GTF2IRD1: variants seen among roughly 807,000 people sequenced by gnomAD.
GTF2IRD1 encodes the protein general transcription factor II-I repeat domain-containing protein 1.
GTF2IRD1 carries 26 observed loss-of-function variants against 113.2 expected under a neutral mutation model. The observed-to-expected ratio is 0.23, with a 90% CI of 0.17 to 0.32. The LOEUF (loss-of-function observed/expected upper bound fraction) is 0.32. GTF2IRD1 is among the 10% of genes least tolerant of loss of function. The pLI is 1.00. For synonymous variants in GTF2IRD1, 484 were observed against 529.1 expected (o/e 0.91, Z 1.17); for missense variants, 864 against 1,280.8 (o/e 0.67, Z 4.97).
At chr7:74,455,719 G>A (rs1554327059) in intron 1 of GTF2IRD1, among the ~76,000 whole-genome samples, 1 of 152,158 alleles carries the variant, frequency 6.6e-6, no homozygotes, top group African/African-American at 2.4e-5. Context: ...AAGGTGACAG[G>A]GTATCGGAAC....
chr7:74,591,299 T>C (rs1399946097), intron 24 of GTF2IRD1, among the ~76,000 whole-genome samples: 1 of 151,216 alleles, frequency 6.6e-6, no homozygotes, highest in African/African-American at 2.4e-5. Flanking sequence ...CATTTAAATA[T>C]AAATATGTTT....
chr7:74,586,095 T>C (rs1801699079), intron 22 of GTF2IRD1, among the ~76,000 whole-genome samples: 1 of 152,090 alleles, frequency 6.6e-6, no homozygotes, highest in Non-Finnish European at 1.5e-5. Context: ...CACACAGTGA[T>C]GTGTGTGATC....
At chr7:74,547,041 C>G (rs1245325083) in intron 16 of GTF2IRD1, 62 bp from the exon 17 acceptor site, 1 of 1,478,564 alleles carries the variant, frequency 6.8e-7, no homozygotes, top group African/African-American at 1.4e-5. Context: ...GCACGGGACA[C>G]AGGGGTTGAG....
chr7:74,547,859 C>A (rs1472622886), intron 17 of GTF2IRD1, among the ~76,000 whole-genome samples: 1 of 149,780 alleles, frequency 6.7e-6, no homozygotes, highest in African/African-American at 2.5e-5. Flanking sequence ...AGCCACCGAA[C>A]TGACCCCTCT....
chr7:74,590,281 A>T (rs1554369084), intron 23 of GTF2IRD1, among the ~76,000 whole-genome samples: 1 of 150,494 alleles, frequency 6.6e-6, no homozygotes, highest in East Asian at 2.0e-4. Flanking sequence ...AGGTTTCACT[A>T]TGTTGCCCAG....
intron 22 of GTF2IRD1, among the ~76,000 whole-genome samples, chr7:74,584,761 A>C (rs1373605649): frequency 1.3e-5 from 2 of 152,018 alleles, no homozygotes; most frequent in Non-Finnish European, 2.9e-5. Flanking sequence ...TTGGCATAGT[A>C]AGTTTGGGGT....
intron 8 of GTF2IRD1, among the ~76,000 whole-genome samples, chr7:74,525,446 C>T (rs782334841): frequency 1.3e-5 from 2 of 152,264 alleles, no homozygotes; most frequent in African/African-American, 2.4e-5. Context: ...GTCAGCCCAC[C>T]GCACTCTGGA....
intron 1 of GTF2IRD1, among the ~76,000 whole-genome samples, chr7:74,478,110 G>A (rs946968714): frequency 3.0e-4 from 46 of 152,204 alleles, no homozygotes; most frequent in African/African-American, 1.0e-3. Context: ...CCGGGGCTCA[G>A]CCAGAACTGG....
In GTF2IRD1 at chr7:74,461,474, C is replaced by G. The variant is rs116670097; in HGVS notation, c.-7+7298C>G. On this transcript the variant is annotated intron_variant, in intron 1 of 26. Coordinates refer to ENST00000424337, the MANE Select transcript of GTF2IRD1 (RefSeq NM_005685.4). Reference sequence around the variant, plus strand: ...CTTTTCGTCTATCCATCTGTTGTTACGCCAGCCAGTGAGGACCTTGCAGAG... The same window carrying G: ...CTTTTCGTCTATCCATCTGTTGTTAGGCCAGCCAGTGAGGACCTTGCAGAG... Among the ~76,000 whole-genome samples the G allele has an allele frequency of 3.7e-3, 568 of 152,296 alleles. 2 individuals carry two copies. Among genetic ancestry groups the G allele is most frequent in the African/African-American group, 0.012 (519 of 41,556 alleles).
At chr7:74,458,012 A>C (rs1184165590) in intron 1 of GTF2IRD1, among the ~76,000 whole-genome samples, 7 of 151,366 alleles carry the variant, frequency 4.6e-5, no homozygotes, top group African/African-American at 1.7e-4. Context: ...CCGGGATTAC[A>C]GGCATGCTCT....
intron 22 of GTF2IRD1, among the ~76,000 whole-genome samples, chr7:74,583,382 T>C (rs1322361075): frequency 1.3e-5 from 2 of 148,698 alleles, no homozygotes; most frequent in African/African-American, 4.9e-5. Flanking sequence ...TTTTTTTTTT[T>C]TTTTTTTTGT....
intron 22 of GTF2IRD1, 101 bp downstream of exon 22, chr7:74,559,756 GGGAA>G: frequency 2.1e-6 from 2 of 949,814 alleles, no homozygotes; most frequent in Non-Finnish European, 3.0e-6. Context: ...TCTGGGGTCT[GGGAA>G]CAGAAGCCAG....
At position 74,471,513 on chromosome 7, in the gene GTF2IRD1, A is replaced by G. The variant is rs943876186; in HGVS notation, c.-7+17337A>G. 3.9e-5 allele frequency among the ~76,000 whole-genome samples: 6 copies of G among 151,948 alleles called. 1 individual carries two copies. The highest frequency in any genetic ancestry group is 2.0e-4 in the Admixed American group (3 of 15,232). ...GACAGAGCGAGACCCCATCTCTACA[A>G]AAAGATTTAAAAATTAGCCAGGCAC... is the stretch of plus-strand genomic sequence containing the variant. On this transcript the variant is annotated intron_variant, in intron 1 of 26. Coordinates refer to ENST00000424337, the MANE Select transcript of GTF2IRD1 (RefSeq NM_005685.4).
chr7:74,483,980 G>T (rs569916944), intron 1 of GTF2IRD1, among the ~76,000 whole-genome samples: 1 of 152,302 alleles, frequency 6.6e-6, no homozygotes, highest in Admixed American at 6.5e-5. Context: ...GGAAGGAGCC[G>T]TGTAGATACA....
intron 20 of GTF2IRD1, 63 bp downstream of exon 20, chr7:74,557,785 T>C: frequency 4.0e-6 from 4 of 1,010,640 alleles, no homozygotes; most frequent in African/African-American, 1.6e-5. Context: ...AGTGGGAGGC[T>C]TCCCAGTTCC....
intron 22 of GTF2IRD1, among the ~76,000 whole-genome samples, chr7:74,582,013 A>AAAAT (rs1288304650): frequency 6.6e-6 from 1 of 152,164 alleles, no homozygotes; most frequent in African/African-American, 2.4e-5. Flanking sequence ...TCAACTCAAA[A>AAAAT]AAATAAATAA....
At chr7:74,579,984 G>A (rs1801314309) in intron 22 of GTF2IRD1, among the ~76,000 whole-genome samples, 2 of 152,120 alleles carry the variant, frequency 1.3e-5, no homozygotes, top group Non-Finnish European at 2.9e-5. Context: ...AAGAACCACA[G>A]GCTCATGAGC....
At chr7:74,478,618 A>G (rs1794565355) in intron 1 of GTF2IRD1, among the ~76,000 whole-genome samples, 1 of 151,196 alleles carries the variant, frequency 6.6e-6, no homozygotes, top group Non-Finnish European at 1.5e-5. Context: ...ACCACGCCCA[A>G]CTAATTTTTA....
intron 14 of GTF2IRD1, 132 bp from the exon 15 acceptor site, chr7:74,544,623 T>C: frequency 4.0e-6 from 3 of 751,994 alleles, no homozygotes; most frequent in Non-Finnish European, 6.9e-6. Context: ...CCTGATCCCA[T>C]TGGAGTGGGT....
Sources: allele counts gnomAD v4.1 joint callset (sites outside exome capture counted in the v4.1 genomes callset), GRCh38; gene constraint gnomAD v4.1.1; transcripts MANE v1.5; gene names NCBI Gene and HGNC (gene_info 2026-07-23, HGNC 2026-07-21).